Variants in RGS6 observed in about 807,000 individuals in gnomAD.
The protein encoded by RGS6 is regulator of G-protein signaling 6.
Under a neutral mutation model 78.5 loss-of-function variants are expected in RGS6, and 30 were observed. The ratio of observed to expected loss-of-function variants is 0.38; its 90% CI spans 0.29 to 0.52. The LOEUF (loss-of-function observed/expected upper bound fraction) is 0.52. RGS6 is among the 20% of genes least tolerant of loss of function. The pLI, the probability that RGS6 is intolerant of heterozygous loss-of-function variation, is 0.85. For missense variants in RGS6, 495 were observed against 609.7 expected (o/e 0.81, Z 1.98); for synonymous variants, 206 against 206.0 (o/e 1.00, Z 0.00).
At chr14:72,371,779 T>C (rs2083563135) in intron 3 of RGS6, among the ~76,000 whole-genome samples, 1 of 152,168 alleles carries the variant, frequency 6.6e-6, no homozygotes, top group African/African-American at 2.4e-5. Flanking sequence ...ATTAATTAAA[T>C]AAAACATTCT....
chr14:72,063,535 G>T (rs1023965531), intron 2 of RGS6, among the ~76,000 whole-genome samples: 6 of 152,156 alleles, frequency 3.9e-5, no homozygotes, highest in South Asian at 2.1e-4. Context: ...GATTTTTGCT[G>T]TGGGGTGAGA....
intron 17 of RGS6, chr14:72,550,794 T>C (rs1228935522): frequency 1.6e-6 from 1 of 621,468 alleles, no homozygotes; most frequent in African/African-American, 1.8e-5. Flanking sequence ...TAATCTTTAA[T>C]CATAGCTTGC....
intron 2 of RGS6, among the ~76,000 whole-genome samples, chr14:72,110,425 C>T (rs1267401684): frequency 6.6e-6 from 1 of 152,158 alleles, no homozygotes; most frequent in Non-Finnish European, 1.5e-5. Flanking sequence ...CCTCTCTATC[C>T]CCTCCCAACA....
chr14:72,208,110 C>T (rs561925844), intron 2 of RGS6, among the ~76,000 whole-genome samples: 1 of 152,318 alleles, frequency 6.6e-6, no homozygotes, highest in Non-Finnish European at 1.5e-5. Flanking sequence ...CTTCTAGATC[C>T]TGTGATGGGT....
rs533270448 is a variant in RGS6, at chr14:72,013,959, C to A, written c.84+49084C>A. On this transcript the variant is annotated intron_variant, in intron 2 of 17. Transcript: ENST00000553525. ...CCTTATTGCAGCTGCTGGGTCTGAG[C>A]TCACTGTGAAAATCGTGTTTCCTTT... Among the ~76,000 whole-genome samples the A allele has an allele frequency of 3.9e-5, 6 of 152,334 alleles. No individual in the cohort carries two copies. In the East Asian group the frequency reaches 9.6e-4, roughly 24 times the overall value.
chr14:71,877,382 T>C, the RGS6 span, among the ~76,000 whole-genome samples: 1 of 152,240 alleles, frequency 6.6e-6, no homozygotes, highest in Non-Finnish European at 1.5e-5. Flanking sequence ...TTCTTTTAAC[T>C]CTTCTTTTCT....
intron 2 of RGS6, among the ~76,000 whole-genome samples, chr14:71,989,122 C>G (rs2094846346): frequency 1.3e-5 from 2 of 152,246 alleles, no homozygotes; most frequent in Non-Finnish European, 2.9e-5. Flanking sequence ...CACTTTGTGC[C>G]AGGCATTGGG....
intron 3 of RGS6, among the ~76,000 whole-genome samples, chr14:72,438,687 G>A (rs12879408): frequency 1.3e-5 from 2 of 152,176 alleles, no homozygotes; most frequent in African/African-American, 4.8e-5. Flanking sequence ...TGCCCAACCA[G>A]CCTTCCATTT....
At position 72,518,364 on chromosome 14, in the gene RGS6, G is replaced by A; in HGVS notation, c.1105G>A (p.Val369Ile). Residue 369 changes from valine (V) to isoleucine (I), a missense_variant, in exon 15 of 18, where the codon GTC becomes ATC. Val to Ile is a conservative substitution (Grantham distance 29). Transcript: ENST00000553525. ...SSENLRFWLA[V>I]QDLKKQPLQD... ...CTCCCACTTCAGGTTCTGGCTGGCT[G>A]TCCAAGATCTTAAGAAACAACCCCT... The A allele has an allele frequency of 1.2e-6, 2 of 1,613,616 alleles. No individual in the cohort carries two copies. The highest frequency in any genetic ancestry group is 1.7e-6 in the Non-Finnish European group (2 of 1,179,664).
At chr14:72,605,531 C>T in the RGS6 span, among the ~76,000 whole-genome samples, 1 of 152,306 alleles carries the variant, frequency 6.6e-6, no homozygotes, top group African/African-American at 2.4e-5. Context: ...TTGTTCTGGC[C>T]CTGCTAAAAG....
chr14:72,088,258 A>G (rs1030451529), intron 2 of RGS6, among the ~76,000 whole-genome samples: 1 of 152,172 alleles, frequency 6.6e-6, no homozygotes, highest in African/African-American at 2.4e-5. Flanking sequence ...AAATAAATGC[A>G]TCACTCATTT....
At chr14:72,561,931 G>A (rs2153555821) in intron 17 of RGS6, among the ~76,000 whole-genome samples, 1 of 152,260 alleles carries the variant, frequency 6.6e-6, no homozygotes, top group Non-Finnish European at 1.5e-5. Context: ...ATTCCAAACA[G>A]GACTCTGCCT....
chr14:72,455,003 A>AT (rs1017412561), intron 4 of RGS6, among the ~76,000 whole-genome samples: 107 of 151,974 alleles, frequency 7.0e-4, no homozygotes, highest in Non-Finnish European at 1.4e-3. Context: ...TGAAGGAATG[A>AT]TTTTTTTTCA....
chr14:72,460,121 C>T (rs1351721412), intron 6 of RGS6, among the ~76,000 whole-genome samples: 1 of 152,150 alleles, frequency 6.6e-6, no homozygotes, highest in Non-Finnish European at 1.5e-5. Context: ...GTGTTCTTGA[C>T]AGTTGCAATT....
chr14:72,600,320 TCCTCCCTC>T, the RGS6 span, among the ~76,000 whole-genome samples: 2 of 150,860 alleles, frequency 1.3e-5, no homozygotes, highest in African/African-American at 2.4e-5. Flanking sequence ...TTTCTTGCCC[TCCTCCCTC>T]CCTCCCTCCC....
At chr14:71,980,207 CTT>C (rs1347602278) in intron 2 of RGS6, among the ~76,000 whole-genome samples, 3 of 98,186 alleles carry the variant, frequency 3.1e-5, no homozygotes, top group African/African-American at 8.2e-5. Flanking sequence ...GGTCTTGACT[CTT>C]TATCCAATTT....
intron 2 of RGS6, among the ~76,000 whole-genome samples, chr14:72,148,998 T>G (rs569246549): frequency 6.6e-6 from 1 of 152,338 alleles, no homozygotes; most frequent in Admixed American, 6.5e-5. Context: ...GCTTGGTGGA[T>G]AGCTTATCTC....
the RGS6 span, among the ~76,000 whole-genome samples, chr14:71,903,805 T>C: frequency 6.6e-6 from 1 of 152,244 alleles, no homozygotes; most frequent in African/African-American, 2.4e-5. Context: ...AGCTTTCATT[T>C]GTCCTTAGAA....
the RGS6 span, among the ~76,000 whole-genome samples, chr14:72,627,755 T>C: frequency 6.6e-6 from 1 of 152,152 alleles, no homozygotes; most frequent in Admixed American, 6.5e-5. Flanking sequence ...CTGACATCTT[T>C]ATAATGTCAA....
Sources: gnomAD v4.1 joint callset for allele counts (sites outside exome capture counted in the v4.1 genomes callset) on GRCh38, gnomAD v4.1.1 for gene constraint, MANE v1.5 for transcripts, NCBI Gene and HGNC (gene_info 2026-07-23, HGNC 2026-07-21) for gene names.